The following ATG9B variants were observed in gnomAD, a reference collection of about 807,000 sequenced individuals.
ATG9B encodes the protein autophagy-related protein 9B.
Under a neutral mutation model 92.9 loss-of-function variants are expected in ATG9B, and 92 were observed. The ratio of observed to expected loss-of-function variants is 0.99; its 90% confidence interval spans 0.84 to 1.18. The LOEUF is 1.18. Among genes scored for constraint, ATG9B ranks in the 50% most tolerant of loss-of-function variants. ATG9B has a pLI of 0.00. For missense variants in ATG9B, 1,344 were observed against 1,235.0 expected (o/e 1.09, Z -1.32); for synonymous variants, 599 against 551.4 (o/e 1.09, Z -1.21).
In ATG9B at chr7:151,023,117, G is replaced by T; in HGVS notation, c.749C>A (p.Thr250Asn). 1 of 1,614,172 alleles carries T rather than the reference G, an allele frequency of 6.2e-7. No individual in the cohort carries two copies. The highest frequency in any genetic ancestry group is 8.5e-7 in the Non-Finnish European group (1 of 1,180,032). The change falls in exon 4 of 14, where the codon ACC becomes AAC. Residue 250 changes from threonine to asparagine, a missense_variant. Transcript: ENST00000639579. ...TTTGCTGTGGAACGGCCCAGGTCTG[G>T]TATGGTTACTTGGTTGGTTGGCAAA... The part of the protein sequence containing the change: ...VLFANQPSNH[T>N]RPGPFHSKVT...
intron 5 of ATG9B, among the ~76,000 whole-genome samples, chr7:151,019,629 T>C (rs1039995598): frequency 6.6e-6 from 1 of 152,234 alleles, no homozygotes; most frequent in Non-Finnish European, 1.5e-5. Context: ...CTGCCATTCA[T>C]GTGGCCAGTA....
At position 151,024,144 on chromosome 7, in the gene ATG9B, G is replaced by T. The variant is rs1187300008; in HGVS notation, c.280C>A (p.Pro94Thr). Residue 94 changes from proline to threonine, a missense_variant, in exon 1 of 14, where the codon CCA becomes ACA. Coordinates refer to ENST00000639579, the MANE Select transcript of ATG9B (RefSeq NM_001317056.2). The stretch of plus-strand genomic sequence containing the variant: ...TGAGCCTGTGTTGGGGGGGTGGCTG[G>T]GATAGGGAGAGCACTGTGGCAAGAC... Reference protein sequence around the residue: ...SQSCHSALPIPATPPTQAQPA... With the variant: ...SQSCHSALPITATPPTQAQPA... 9.5e-6 allele frequency: 15 copies of T among 1,582,336 alleles called. No individual in the cohort carries two copies. Among genetic ancestry groups the T allele is most frequent in the Non-Finnish European group, 1.3e-5 (15 of 1,163,242 alleles).
At chr7:151,021,028 C>G (rs968156087) in intron 5 of ATG9B, 160 bp downstream of exon 5, 1 of 825,534 alleles carries the variant, frequency 1.2e-6, no homozygotes, top group Admixed American at 2.3e-5. Context: ...TGGTAGCCCC[C>G]TCCTGACATT....
chr7:151,015,858 C>T (rs1795456411), intron 13 of ATG9B, 24 bp downstream of exon 13: 1 of 1,538,064 alleles, frequency 6.5e-7, no homozygotes, highest in Admixed American at 2.0e-5. Context: ...CTTTCTCCCT[C>T]CCCTCACAGG....
At chr7:151,021,148 C>T in intron 5 of ATG9B, 40 bp downstream of exon 5, 1 of 1,609,284 alleles carries the variant, frequency 6.2e-7, no homozygotes, top group Non-Finnish European at 8.5e-7. Context: ...TGCCCACCCT[C>T]TCACGGCACC....
Position 151,018,646 on chromosome 7 carries a change from C to T in ATG9B, c.1692G>A (p.Ala564=). Residue 564 remains alanine (A), a synonymous_variant, in exon 6 of 14, where the codon GCG becomes GCA. Coordinates refer to ENST00000639579, the MANE Select transcript of ATG9B (RefSeq NM_001317056.2). The surrounding 1 kb of genome is among the most constrained non-coding windows in gnomAD (Gnocchi z 4.7). The stretch of plus-strand genomic sequence containing the variant: ...TGGCGACGGTGGCGGTGACCCCGAG[C>T]GCGGTCATGGCGGTGAGCACGTGCT... ...AVEHVLTAMT[A]LGVTATVARS... 6.2e-7 allele frequency: 1 copy of T among 1,607,002 alleles called. No homozygotes were observed. The highest frequency in any genetic ancestry group is 8.5e-7 in the Non-Finnish European group (1 of 1,178,940).
chr7:151,016,549 G>C (rs538113764), intron 10 of ATG9B, 22 bp from the exon 11 acceptor site: 1 of 1,547,070 alleles, frequency 6.5e-7, no homozygotes, highest in Non-Finnish European at 8.7e-7. Context: ...CATGAAGCAG[G>C]TCAAAAGTCA....
chr7:151,019,401 C>G (rs1031179837), intron 5 of ATG9B, 27 bp from the exon 6 acceptor site: 1 of 1,498,040 alleles, frequency 6.7e-7, no homozygotes. Flanking sequence ...TGAGAGCCAG[C>G]GACCCCCCAT....
At chr7:151,013,441 T>C, downstream of ATG9B, 2 of 1,544,124 alleles carry the variant, frequency 1.3e-6, no homozygotes, top group Admixed American at 1.8e-5. Context: ...GGACTCGCGC[T>C]CTCCAGCGGG....
chr7:151,013,532 G>A, downstream of ATG9B: 2 of 1,140,334 alleles, frequency 1.8e-6, no homozygotes, highest in Non-Finnish European at 2.4e-6. Context: ...TTGTGCCCCG[G>A]CCCCTCTAGG....
In ATG9B at chr7:151,015,164, AG is replaced by A. The variant is rs1187144363; in HGVS notation, c.*563del. ...GTCACAGAGATGTGCAACAGCCATG[AG>A]CAAGCTTTACTGCTTATTTCATACA... On this transcript the variant is annotated 3_prime_UTR_variant, in exon 14 of 14. Transcript: ENST00000639579. 1 of 152,208 alleles carries A rather than the reference AG, an allele frequency of 6.6e-6. No individual in the cohort carries two copies. Among genetic ancestry groups the A allele is most frequent in the East Asian group, 1.9e-4 (1 of 5,188 alleles). The allele number at this position is 152,208 out of a possible 1,614,324, so 9.4% of individuals were successfully genotyped here.
chr7:151,016,700 G>A lies in ATG9B; in HGVS notation c.2411C>T (p.Ala804Val), dbSNP rs3918224. 63 of 1,597,532 alleles carry A rather than the reference G, an allele frequency of 3.9e-5. No individual in the cohort carries two copies. The African/African-American group carries it at 8.2e-4, about 21-fold the overall frequency. ...CTCCACTCCTCACCTGGGGTCCTGGGCAATTCGGGAAATGGAGGCAAGGAG... is the reference window on the plus strand; with the variant it reads ...CTCCACTCCTCACCTGGGGTCCTGGACAATTCGGGAAATGGAGGCAAGGAG... ...ASLLASISRI[A>V]QDPSSVSPGG... is the part of the protein sequence containing the mutation. The change falls in exon 10 of 14, where the codon GCC (alanine) becomes GTC (valine). Residue 804 changes from alanine (A) to valine (V), a missense_variant. Coordinates refer to ENST00000639579, the MANE Select transcript of ATG9B (RefSeq NM_001317056.2).
rs1187300008 is a variant in ATG9B, at chr7:151,024,144, G to A, written c.280C>T (p.Pro94Ser). ...TGAGCCTGTGTTGGGGGGGTGGCTGGGATAGGGAGAGCACTGTGGCAAGAC... is the reference window on the plus strand; with the variant it reads ...TGAGCCTGTGTTGGGGGGGTGGCTGAGATAGGGAGAGCACTGTGGCAAGAC... ...SQSCHSALPI[P>S]ATPPTQAQPA... The change falls in exon 1 of 14, where the codon CCA becomes TCA. Residue 94 changes from proline (P) to serine (S), a missense_variant. Transcript: ENST00000639579. 1.9e-6 allele frequency: 3 copies of A among 1,582,336 alleles called. No individual in the cohort carries two copies. The African/African-American group carries it at 4.0e-5, about 21-fold the overall frequency.
Position 151,018,106 on chromosome 7 carries a change from T to G in ATG9B, c.1873-56A>C, listed in dbSNP as rs1035957224. The G allele has an allele frequency of 6.6e-7, 1 of 1,521,130 alleles. No individual in the cohort carries two copies. Among genetic ancestry groups the G allele is most frequent in the Middle Eastern group, 2.2e-4 (1 of 4,614 alleles). 94.2% of individuals were successfully genotyped at this position (1,521,130 alleles called of 1,614,324 possible). On this transcript the variant is annotated intron_variant, in intron 7 of 13. Transcript: ENST00000639579. The surrounding 1 kb of genome is among the most constrained non-coding windows in gnomAD (Gnocchi z 4.7). ...GTCGCTGAGGGGCCCACGCGCGTTATCAGGACCAAGCAGTCCCCAGCGACC... is the reference window on the plus strand; with the variant it reads ...GTCGCTGAGGGGCCCACGCGCGTTAGCAGGACCAAGCAGTCCCCAGCGACC...
At chr7:151,017,333 A>T (rs1795543549) in intron 8 of ATG9B, 61 bp from the exon 9 acceptor site, 4 of 1,434,366 alleles carry the variant, frequency 2.8e-6, no homozygotes, top group Non-Finnish European at 1.9e-6. Flanking sequence ...AACAGGTGGG[A>T]CAGGAAACAC....
downstream of ATG9B, chr7:151,013,605 C>T (rs1262439015): frequency 2.9e-6 from 3 of 1,050,848 alleles, no homozygotes; most frequent in East Asian, 5.4e-5. Flanking sequence ...CGCCCCAGGG[C>T]ACGCAGGCCC....
Position 151,018,084 on chromosome 7 carries a change from G to C in ATG9B, c.1873-34C>G. 1.3e-6 allele frequency: 2 copies of C among 1,543,542 alleles called. No homozygotes were observed. Among genetic ancestry groups the C allele is most frequent in the South Asian group, 2.4e-5 (2 of 82,492 alleles). On this transcript the variant is annotated intron_variant, in intron 7 of 13. Coordinates refer to ENST00000639579, the MANE Select transcript of ATG9B (RefSeq NM_001317056.2). This position sits in a 1 kb window ranked among gnomAD's most constrained non-coding sequence, Gnocchi z 4.7. ...GCAGCGGTGAGGCTGAGCAGGGGTC[G>C]CTGAGGGGCCCACGCGCGTTATCAG...
chr7:151,013,853 C>T (rs774447524), downstream of ATG9B: 6 of 1,604,444 alleles, frequency 3.7e-6, no homozygotes, highest in South Asian at 2.2e-5. Context: ...GACCGTGCAG[C>T]GCATCCTGGC....
At chr7:151,020,542 C>T (rs567097600) in intron 5 of ATG9B, among the ~76,000 whole-genome samples, 6 of 152,304 alleles carry the variant, frequency 3.9e-5, no homozygotes, top group Non-Finnish European at 7.3e-5. Flanking sequence ...CAGAGGGCTC[C>T]GGACCTCCCA....
Sources: gnomAD v4.1 joint callset for allele counts (sites outside exome capture counted in the v4.1 genomes callset) on GRCh38, gnomAD v4.1.1 for gene constraint, Gnocchi (gnomAD v3.1) non-coding constraint, MANE v1.5 for transcripts, NCBI Gene and HGNC (gene_info 2026-07-23, HGNC 2026-07-21) for gene names.